The following ANKFN1 variants were observed in gnomAD, a reference collection of about 807,000 sequenced individuals.
ANKFN1 encodes ankyrin repeat and fibronectin type-III domain-containing protein 1.
ANKFN1 carries 74 observed loss-of-function variants against 108.7 expected under a neutral mutation model. The ratio of observed to expected loss-of-function variants is 0.68; its 90% CI spans 0.56 to 0.83. The LOEUF (loss-of-function observed/expected upper bound fraction) is 0.83. Ranked by LOEUF, ANKFN1 falls within the 40% of genes least tolerant of loss-of-function variation. ANKFN1 has a pLI of 0.00. For missense variants in ANKFN1, 1,505 were observed against 1,382.3 expected, an observed-to-expected ratio of 1.09 and a Z score of -1.41; for synonymous variants, 547 against 516.2, an observed-to-expected ratio of 1.06 and a Z score of -0.81.
chr17:56,069,264 C>A (rs756477250), intron 4 of ANKFN1, among the ~76,000 whole-genome samples: 11 of 152,096 alleles, frequency 7.2e-5, no homozygotes, highest in Non-Finnish European at 1.0e-4. Flanking sequence ...ACCTATGTGG[C>A]AAGAAGAGAG....
rs34528192 is a variant in ANKFN1 at position 56,311,167 on chromosome 17, T to TTGTG, written c.54-15038_54-15035dup. Among the ~76,000 whole-genome samples, 68 of 147,718 alleles carry TTGTG rather than the reference T, an allele frequency of 4.6e-4. 1 individual carries two copies. Among genetic ancestry groups the TTGTG allele is most frequent in the African/African-American group, 1.3e-3 (51 of 40,214 alleles). ...CTCGCTCACTCTCTCTCTCGTGTGTTTGTGTGTGTGTGTGTGTGTACCACA... is the reference window on the plus strand; with the variant it reads ...CTCGCTCACTCTCTCTCTCGTGTGTTTGTGTGTGTGTGTGTGTGTGTGTACCACA... On this transcript the variant is annotated intron_variant, in intron 3 of 20. Coordinates refer to ENST00000682825, the MANE Select transcript of ANKFN1 (RefSeq NM_001370326.1).
chr17:56,179,455 A>T (rs1911477317), intron 1 of ANKFN1, among the ~76,000 whole-genome samples: 1 of 152,158 alleles, frequency 6.6e-6, no homozygotes. Flanking sequence ...AGACAACTTG[A>T]AGAACGGAAC....
intron 1 of ANKFN1, among the ~76,000 whole-genome samples, chr17:56,188,579 G>GTATATATATATATATATATATA (rs1220822008): frequency 7.0e-5 from 5 of 71,394 alleles, no homozygotes; most frequent in African/African-American, 3.8e-4. Context: ...GTGTGTGTGT[G>GTATATATATATATATATATATA]TGTATATATA....
intron 15 of ANKFN1, among the ~76,000 whole-genome samples, chr17:56,469,589 C>T (rs2050244876): frequency 2.0e-5 from 3 of 152,058 alleles, no homozygotes; most frequent in Admixed American, 2.0e-4. Context: ...TGAATACCGA[C>T]TCCACCCTTT....
chr17:56,270,734 A>C (rs753381549), intron 3 of ANKFN1, among the ~76,000 whole-genome samples: 2 of 152,190 alleles, frequency 1.3e-5, no homozygotes, highest in Non-Finnish European at 2.9e-5. Flanking sequence ...CTGCAGTGAA[A>C]GAGCTTCTGT....
rs1178712301 is a variant in ANKFN1 at position 56,511,299 on chromosome 17, A to G, written c.*30A>G. 2 of 1,483,028 alleles carry G rather than the reference A, an allele frequency of 1.3e-6. No individual in the cohort carries two copies. The highest frequency in any genetic ancestry group is 1.8e-6 in the Non-Finnish European group (2 of 1,117,264). 91.9% of individuals were successfully genotyped at this position (1,483,028 alleles called of 1,614,324 possible). A position where few individuals can be genotyped will look rare whatever the true frequency, so the allele number is the denominator to read the frequency against. On this transcript the variant is annotated 3_prime_UTR_variant, in exon 21 of 21. Transcript: ENST00000682825. Reference sequence around the variant, plus strand: ...GCCCATCCCGGCTGTCCACCCCTCCATGGCTGCTACCTGCGTTTTACATCA... The same window carrying G: ...GCCCATCCCGGCTGTCCACCCCTCCGTGGCTGCTACCTGCGTTTTACATCA...
intron 8 of ANKFN1, among the ~76,000 whole-genome samples, chr17:56,384,858 T>A (rs1273625525): frequency 1.3e-5 from 2 of 151,976 alleles, no homozygotes; most frequent in African/African-American, 4.8e-5. Flanking sequence ...TGCTTATGGG[T>A]AGGAAGAATC....
At chr17:56,341,229 T>C (rs895130329) in intron 4 of ANKFN1, among the ~76,000 whole-genome samples, 1 of 152,136 alleles carries the variant, frequency 6.6e-6, no homozygotes, top group Non-Finnish European at 1.5e-5. Flanking sequence ...TTTCTAGATA[T>C]AAGATCATAT....
intron 4 of ANKFN1, among the ~76,000 whole-genome samples, chr17:56,346,623 C>A (rs1444981718): frequency 6.6e-6 from 1 of 151,908 alleles, no homozygotes; most frequent in African/African-American, 2.4e-5. Context: ...TGGTTAATAT[C>A]CCAGATCCTG....
intron 3 of ANKFN1, among the ~76,000 whole-genome samples, chr17:56,275,987 G>C (rs1443025541): frequency 2.0e-5 from 3 of 152,118 alleles, no homozygotes; most frequent in Non-Finnish European, 2.9e-5. Flanking sequence ...ATTTACATTA[G>C]ATATTTCTCC....
upstream of ANKFN1, among the ~76,000 whole-genome samples, chr17:56,149,606 A>G (rs2143432242): frequency 6.6e-6 from 1 of 152,352 alleles, no homozygotes; most frequent in Middle Eastern, 3.4e-3. Context: ...GTGCCTTTAC[A>G]GGTGGTCACA....
intron 8 of ANKFN1, among the ~76,000 whole-genome samples, chr17:56,431,719 C>G (rs193151384): frequency 6.6e-6 from 1 of 152,290 alleles, no homozygotes; most frequent in African/African-American, 2.4e-5. Flanking sequence ...CAGAGTGCCC[C>G]TTTCTAAATG....
chr17:56,110,015 C>T (rs80061074), intron 4 of ANKFN1, among the ~76,000 whole-genome samples: 1,607 of 152,244 alleles, frequency 0.011, 23 homozygotes, highest in African/African-American at 0.036. Flanking sequence ...TTATTAAAGG[C>T]CAGGAGAGGT....
chr17:56,309,116 G>A (rs2044933175), intron 3 of ANKFN1, among the ~76,000 whole-genome samples: 1 of 152,134 alleles, frequency 6.6e-6, no homozygotes, highest in African/African-American at 2.4e-5. Flanking sequence ...GTTGGAATTT[G>A]TGTTAATTCT....
chr17:56,489,585 C>T (rs893582378), intron 18 of ANKFN1, among the ~76,000 whole-genome samples: 2 of 152,078 alleles, frequency 1.3e-5, no homozygotes, highest in African/African-American at 4.8e-5. Flanking sequence ...AGGCTCCCAC[C>T]ACAGGGACAC....
intron 4 of ANKFN1, among the ~76,000 whole-genome samples, chr17:56,110,234 TACATACC>T (rs1438985358): frequency 6.6e-6 from 1 of 152,200 alleles, no homozygotes; most frequent in Non-Finnish European, 1.5e-5. Flanking sequence ...GAACACACCA[TACATACC>T]ATCTTTTCTA....
intron 3 of ANKFN1, among the ~76,000 whole-genome samples, chr17:56,256,447 A>G: frequency 6.6e-6 from 1 of 152,062 alleles, no homozygotes; most frequent in Admixed American, 6.6e-5. Flanking sequence ...TTCATGGTGG[A>G]GAATTATTTG....
At chr17:56,119,172 G>A (rs752729970) in intron 4 of ANKFN1, among the ~76,000 whole-genome samples, 4 of 152,072 alleles carry the variant, frequency 2.6e-5, no homozygotes, top group African/African-American at 4.8e-5. Context: ...CACTGAAATC[G>A]TGGGCACAAT....
intron 15 of ANKFN1, among the ~76,000 whole-genome samples, chr17:56,474,380 TAAG>T (rs2050429855): frequency 6.6e-6 from 1 of 152,214 alleles, no homozygotes; most frequent in African/African-American, 2.4e-5. Flanking sequence ...TATAATAAAT[TAAG>T]GTAATCTGTA....
Sources: gnomAD v4.1 joint callset for allele counts (sites outside exome capture counted in the v4.1 genomes callset) on GRCh38, gnomAD v4.1.1 for gene constraint, MANE v1.5 for transcripts, NCBI Gene and HGNC (gene_info 2026-07-23, HGNC 2026-07-21) for gene names.